VSTM2L: variants seen among roughly 807,000 people sequenced by gnomAD.
The protein encoded by VSTM2L is V-set and transmembrane domain containing 2 like, also known as V-set and transmembrane domain-containing protein 2-like protein.
In VSTM2L, 9 loss-of-function variants were observed where a neutral mutation model predicts 19.9. The observed-to-expected ratio is 0.45, with a 90% CI of 0.27 to 0.79. The LOEUF is 0.79. Among genes scored for constraint, VSTM2L ranks in the 30% least tolerant of loss-of-function variants. The probability of loss-of-function intolerance (pLI) is 0.15; values close to 1 mark genes in which losing one functional copy is unlikely to be tolerated. For missense variants in VSTM2L, 286 were observed against 295.5 expected (o/e 0.97, Z 0.24); for synonymous variants, 127 against 133.8 (o/e 0.95, Z 0.35).
chr20:37,920,005 G>A (rs181766297), intron 1 of VSTM2L, among the ~76,000 whole-genome samples: 662 of 152,318 alleles, frequency 4.3e-3, no homozygotes, highest in Non-Finnish European at 7.1e-3. Flanking sequence ...CGGGGCAGGA[G>A]ACTGGCTCCA....
intron 3 of VSTM2L, among the ~76,000 whole-genome samples, chr20:37,937,177 C>T (rs1351467794): frequency 6.6e-6 from 1 of 152,108 alleles, no homozygotes; most frequent in Non-Finnish European, 1.5e-5. Context: ...GCCGAGATCG[C>T]ACCACTGCTC....
At chr20:37,922,464 G>A (rs1250233178) in intron 1 of VSTM2L, among the ~76,000 whole-genome samples, 3 of 152,154 alleles carry the variant, frequency 2.0e-5, no homozygotes, top group Admixed American at 6.5e-5. Flanking sequence ...AGGTGGGGCC[G>A]GGCTGAGGGG....
At chr20:37,930,571 A>G (rs1006141526) in intron 1 of VSTM2L, among the ~76,000 whole-genome samples, 6 of 152,180 alleles carry the variant, frequency 3.9e-5, no homozygotes, top group Non-Finnish European at 7.3e-5. Context: ...ATCTCAGGAC[A>G]ATATTTGTTT....
At chr20:37,934,243 AG>A (rs1333229746) in intron 3 of VSTM2L, among the ~76,000 whole-genome samples, 1 of 152,148 alleles carries the variant, frequency 6.6e-6, no homozygotes, top group Non-Finnish European at 1.5e-5. Context: ...GCTGGGGCCC[AG>A]GGGAGTTCAG....
intron 1 of VSTM2L, among the ~76,000 whole-genome samples, chr20:37,921,465 A>T (rs1265872175): frequency 2.0e-5 from 3 of 152,120 alleles, no homozygotes; most frequent in Non-Finnish European, 4.4e-5. Flanking sequence ...CCTGCCTGCC[A>T]CCAGAGCTGC....
At chr20:37,925,273 C>T (rs577729706) in intron 1 of VSTM2L, among the ~76,000 whole-genome samples, 1 of 152,260 alleles carries the variant, frequency 6.6e-6, no homozygotes, top group South Asian at 2.1e-4. Context: ...CCTTTCCCTT[C>T]CCAATGCCCA....
In VSTM2L at chr20:37,921,837, C is replaced by CT. The variant is rs1568837638; in HGVS notation, c.122-9798_122-9797insT. Among the ~76,000 whole-genome samples, 66 of 126,592 alleles carry CT rather than the reference C, an allele frequency of 5.2e-4. 1 individual carries two copies. The highest frequency in any genetic ancestry group is 2.2e-3 in the African/African-American group (62 of 28,038). 83.0% of individuals were successfully genotyped at this position (126,592 alleles called of 152,430 possible). ...CTTTCTCTCTTTCTTTCTTTCTTTT[C>CT]CTTTTTTTTTTTTTTTTTTTTTTGA... On this transcript the variant is annotated intron_variant, in intron 1 of 3. Transcript: ENST00000373461.
intron 3 of VSTM2L, among the ~76,000 whole-genome samples, chr20:37,934,846 C>T (rs6096984): frequency 0.29 from 44,816 of 152,024 alleles, 6,761 homozygotes; most frequent in Admixed American, 0.32. Flanking sequence ...TTCAAAGCAT[C>T]ATTTGTGCTG....
At chr20:37,937,064 T>C (rs2072945030) in intron 3 of VSTM2L, among the ~76,000 whole-genome samples, 1 of 151,930 alleles carries the variant, frequency 6.6e-6, no homozygotes, top group Admixed American at 6.6e-5. Flanking sequence ...CTACTAAAAA[T>C]ACAAAAATTA....
chr20:37,912,521 G>A (rs1394428134), intron 1 of VSTM2L, among the ~76,000 whole-genome samples: 2 of 152,164 alleles, frequency 1.3e-5, no homozygotes, highest in African/African-American at 4.8e-5. Context: ...GCTGTGTCTG[G>A]GGGGTGACTG....
At chr20:37,911,845 C>T (rs1286123238) in intron 1 of VSTM2L, among the ~76,000 whole-genome samples, 1 of 152,184 alleles carries the variant, frequency 6.6e-6, no homozygotes, top group East Asian at 1.9e-4. Context: ...CATCTGTATA[C>T]TTAGAAACCA....
intron 2 of VSTM2L, 75 bp from the exon 3 acceptor site, chr20:37,933,464 C>T (rs559742895): frequency 1.6e-6 from 2 of 1,227,936 alleles, no homozygotes; most frequent in Non-Finnish European, 2.4e-6. Context: ...ATGTGTCTCC[C>T]CACACTGCCA....
At chr20:37,910,313 C>T (rs1227947329) in intron 1 of VSTM2L, among the ~76,000 whole-genome samples, 1 of 152,186 alleles carries the variant, frequency 6.6e-6, no homozygotes, top group Non-Finnish European at 1.5e-5. Flanking sequence ...GTGGGCATGT[C>T]CGTGGGGATC....
At chr20:37,917,668 CTCCCCCTCGCCCTAGTGCCCGACCG>C (rs1335646860) in intron 1 of VSTM2L, among the ~76,000 whole-genome samples, 1 of 152,234 alleles carries the variant, frequency 6.6e-6, no homozygotes, top group African/African-American at 2.4e-5. Flanking sequence ...AAATCCTGGG[CTCCCCCTCGCCCTAGTGCCCGACCG>C]TCCCCCTGGC....
intron 1 of VSTM2L, among the ~76,000 whole-genome samples, chr20:37,920,398 C>G (rs1263251131): frequency 6.6e-6 from 1 of 152,244 alleles, no homozygotes; most frequent in Non-Finnish European, 1.5e-5. Flanking sequence ...TGGGCTGGCC[C>G]GTAGCCAACA....
At chr20:37,903,729 G>A (rs533830733) in intron 1 of VSTM2L, among the ~76,000 whole-genome samples, 4 of 152,270 alleles carry the variant, frequency 2.6e-5, no homozygotes, top group South Asian at 2.1e-4. Context: ...ATGCACAGCC[G>A]CGGACACACT....
intron 1 of VSTM2L, among the ~76,000 whole-genome samples, chr20:37,917,504 C>T (rs1194225476): frequency 6.6e-6 from 1 of 152,212 alleles, no homozygotes; most frequent in Admixed American, 6.5e-5. Context: ...GTGCTACACA[C>T]TGAAACAGGC....
At chr20:37,930,619 G>A (rs145298984) in intron 1 of VSTM2L, among the ~76,000 whole-genome samples, 11 of 152,264 alleles carry the variant, frequency 7.2e-5, no homozygotes, top group Non-Finnish European at 1.5e-4. Context: ...GGGGAGGGGC[G>A]CTGGGCCACA....
chr20:37,938,797 G>A (rs546624624), intron 3 of VSTM2L, among the ~76,000 whole-genome samples: 1 of 152,352 alleles, frequency 6.6e-6, no homozygotes, highest in South Asian at 2.1e-4. Context: ...GGAGGGCTGG[G>A]CTGAAGGGCT....
Sources: allele counts gnomAD v4.1 joint callset (sites outside exome capture counted in the v4.1 genomes callset), GRCh38; gene constraint gnomAD v4.1.1; transcripts MANE v1.5; gene names NCBI Gene and HGNC (gene_info 2026-07-23, HGNC 2026-07-21).